The following ADCY8 variants were observed in gnomAD, a reference collection of about 807,000 sequenced individuals.
ADCY8 encodes adenylate cyclase type 8.
ADCY8 carries 51 observed loss-of-function variants against 119.7 expected under a neutral mutation model. The observed-to-expected ratio is 0.43, with a 90% CI of 0.34 to 0.54. The LOEUF is 0.54. Ranked by LOEUF, ADCY8 falls within the 20% of genes least tolerant of loss-of-function variation. The pLI, the probability that ADCY8 is intolerant of heterozygous loss-of-function variation, is 0.03. For synonymous variants in ADCY8, 665 were observed against 651.0 expected (o/e 1.02, Z -0.33); for missense variants, 1,383 against 1,598.8 (o/e 0.87, Z 2.30).
At chr8:130,920,403 G>A (rs972213310) in intron 5 of ADCY8, among the ~76,000 whole-genome samples, 1 of 152,144 alleles carries the variant, frequency 6.6e-6, no homozygotes, top group Non-Finnish European at 1.5e-5. Context: ...TCCACCGCAT[G>A]TGGGGCTCCT....
At chr8:131,037,908 C>T (rs1263067840) in intron 1 of ADCY8, among the ~76,000 whole-genome samples, 1 of 152,134 alleles carries the variant, frequency 6.6e-6, no homozygotes, top group African/African-American at 2.4e-5. Flanking sequence ...ATAAAACACT[C>T]ATTATTGTCT....
intron 12 of ADCY8, among the ~76,000 whole-genome samples, chr8:130,830,930 A>G (rs1197492815): frequency 6.6e-6 from 1 of 152,256 alleles, no homozygotes; most frequent in Non-Finnish European, 1.5e-5. Flanking sequence ...TAAGAAGTCA[A>G]CAAGGTGTAG....
intron 2 of ADCY8, among the ~76,000 whole-genome samples, chr8:130,987,115 T>C (rs1434572876): frequency 6.6e-6 from 1 of 152,214 alleles, no homozygotes; most frequent in Non-Finnish European, 1.5e-5. Flanking sequence ...TGAATGATCA[T>C]GGGAATTCTC....
rs372311384 is a variant in ADCY8 at position 130,904,094 on chromosome 8, G to A, written c.1641-52C>T. On this transcript the variant is annotated intron_variant, in intron 6 of 17. Transcript: ENST00000286355. ...CACACTCCTGATGTTGCCTGCAAAG[G>A]CTATATTTTTTTGACCTGTACAAAA... The A allele has an allele frequency of 1.1e-4, 175 of 1,546,468 alleles. 1 individual carries two copies. The highest frequency in any genetic ancestry group is 2.9e-5 in the Non-Finnish European group (33 of 1,144,234).
chr8:130,783,846 T>C lies in ADCY8; in HGVS notation c.3154-41A>G, dbSNP rs182121238. The C allele has an allele frequency of 2.1e-3, 3,160 of 1,501,370 alleles. 5 individuals carry two copies. The highest frequency in any genetic ancestry group is 2.8e-3 in the Non-Finnish European group (3,053 of 1,082,308). 93.0% of individuals were successfully genotyped at this position (1,501,370 alleles called of 1,614,324 possible). ...GGAGAAGAAATCATTTAATGCGGAATGTGGGGGAACATTAACATTTCTGCA... is the reference window on the plus strand; with the variant it reads ...GGAGAAGAAATCATTTAATGCGGAACGTGGGGGAACATTAACATTTCTGCA... On this transcript the variant is annotated intron_variant, in intron 16 of 17. Coordinates refer to ENST00000286355, the MANE Select transcript of ADCY8 (RefSeq NM_001115.3).
In ADCY8 at chr8:131,039,748, G is replaced by A; in HGVS notation, c.586C>T (p.Leu196Phe). Residue 196 changes from leucine (L) to phenylalanine (F), a missense_variant, in exon 1 of 18, where the codon CTC (leucine) becomes TTC (phenylalanine). Physicochemically the swap from Leu to Phe is conservative, Grantham distance 22. This residue lies in a region of ADCY8 where 455 missense variants were observed against 435.3 expected (regional missense o/e 1.05). Transcript: ENST00000286355. The part of the protein sequence containing the change: ...NVLDVLTKLT[L>F]LVLHLSLASA... Reference sequence around the variant, plus strand: ...GCCAGGCTCAAGTGTAGGACCAAGAGAGTGAGTTTGGTCAGCACGTCCAGC... The same window carrying A: ...GCCAGGCTCAAGTGTAGGACCAAGAAAGTGAGTTTGGTCAGCACGTCCAGC... 6.2e-7 allele frequency: 1 copy of A among 1,614,134 alleles called. No homozygotes were observed. The highest frequency in any genetic ancestry group is 8.5e-7 in the Non-Finnish European group (1 of 1,180,036).
At chr8:131,003,347 G>A (rs1250982462) in intron 1 of ADCY8, among the ~76,000 whole-genome samples, 1 of 152,028 alleles carries the variant, frequency 6.6e-6, no homozygotes, top group East Asian at 1.9e-4. Flanking sequence ...AAATGATGAA[G>A]GAATTTTTGC....
intron 9 of ADCY8, among the ~76,000 whole-genome samples, chr8:130,852,487 C>A (rs1345157159): frequency 2.6e-5 from 4 of 152,150 alleles, no homozygotes; most frequent in Non-Finnish European, 5.9e-5. Context: ...AGGCGGATCG[C>A]TTTGTCAGGA....
At chr8:130,877,267 A>G (rs1818601631) in intron 8 of ADCY8, among the ~76,000 whole-genome samples, 1 of 152,182 alleles carries the variant, frequency 6.6e-6, no homozygotes, top group Non-Finnish European at 1.5e-5. Context: ...CAATTTTAGG[A>G]TGGGAAGTTC....
intron 15 of ADCY8, among the ~76,000 whole-genome samples, chr8:130,789,936 G>A (rs984765005): frequency 2.1e-4 from 32 of 152,306 alleles, no homozygotes; most frequent in Middle Eastern, 6.8e-3. Flanking sequence ...TAGTGCATGC[G>A]TGAGTCAGAG....
chr8:130,984,947 G>A (rs1822352446), intron 2 of ADCY8, among the ~76,000 whole-genome samples: 1 of 152,138 alleles, frequency 6.6e-6, no homozygotes. Flanking sequence ...GAAGGTTGAA[G>A]CCATGATACA....
At chr8:130,833,533 A>G (rs1295263149) in intron 12 of ADCY8, among the ~76,000 whole-genome samples, 2 of 152,200 alleles carry the variant, frequency 1.3e-5, no homozygotes, top group Non-Finnish European at 2.9e-5. Flanking sequence ...TTAGCATTAA[A>G]ACAGAAGGAA....
intron 2 of ADCY8, among the ~76,000 whole-genome samples, chr8:130,962,341 C>T (rs1210969034): frequency 1.3e-5 from 2 of 152,184 alleles, no homozygotes; most frequent in African/African-American, 2.4e-5. Context: ...CCTGCTGGGG[C>T]GCAATATATC....
At chr8:130,808,163 T>A (rs1816037107) in intron 14 of ADCY8, among the ~76,000 whole-genome samples, 1 of 152,170 alleles carries the variant, frequency 6.6e-6, no homozygotes. Flanking sequence ...GTTATATATT[T>A]ATTTATTTGC....
intron 1 of ADCY8, among the ~76,000 whole-genome samples, chr8:131,006,344 C>T (rs1306625472): frequency 8.5e-5 from 13 of 152,074 alleles, no homozygotes; most frequent in Admixed American, 7.9e-4. Context: ...CTGTAGGAGC[C>T]GCTGGGAGAT....
intron 5 of ADCY8, among the ~76,000 whole-genome samples, chr8:130,911,082 T>G (rs1047711928): frequency 2.6e-5 from 4 of 152,184 alleles, no homozygotes; most frequent in African/African-American, 9.6e-5. Context: ...TCGCCATTAA[T>G]ATTCCTTCTA....
chr8:130,938,304 G>A (rs1820850697), intron 4 of ADCY8, among the ~76,000 whole-genome samples: 1 of 152,148 alleles, frequency 6.6e-6, no homozygotes, highest in South Asian at 2.1e-4. Flanking sequence ...ACAGGGCCTG[G>A]CAGATGGGGC....
chr8:130,801,899 C>CTTTTTTTTTTTTTT (rs34853195), intron 14 of ADCY8, among the ~76,000 whole-genome samples: 1 of 97,794 alleles, frequency 1.0e-5, no homozygotes, highest in African/African-American at 3.9e-5. Context: ...TTGAGAATGC[C>CTTTTTTTTTTTTTT]TTTTTTTTTT....
chr8:130,901,242 C>CTTCT, intron 7 of ADCY8, among the ~76,000 whole-genome samples: 1 of 115,582 alleles, frequency 8.7e-6, no homozygotes, highest in Non-Finnish European at 1.7e-5. Flanking sequence ...CATCCCTCCT[C>CTTCT]TTTTTTTTTT....
Sources: gnomAD v4.1 joint callset for allele counts (sites outside exome capture counted in the v4.1 genomes callset) on GRCh38, gnomAD v4.1.1 for gene constraint, gnomAD v4.1.1 regional missense constraint, MANE v1.5 for transcripts, NCBI Gene and HGNC (gene_info 2026-07-23, HGNC 2026-07-21) for gene names.